Variants in LRBA observed in about 807,000 individuals in gnomAD.
LRBA encodes the protein lipopolysaccharide-responsive and beige-like anchor protein.
In LRBA, 176 loss-of-function variants were observed where a neutral mutation model predicts 330.0. That is an observed-to-expected ratio of 0.53 (90% confidence interval 0.47 to 0.60). The LOEUF (loss-of-function observed/expected upper bound fraction) is 0.60. Among genes scored for constraint, LRBA ranks in the 20% least tolerant of loss-of-function variants. The probability of loss-of-function intolerance (pLI) is 0.00; values close to 1 mark genes in which losing one functional copy is unlikely to be tolerated. For synonymous variants in LRBA, 1,230 were observed against 1,193.0 expected, an observed-to-expected ratio of 1.03 and a Z score of -0.64; for missense variants, 3,259 against 3,444.8, an observed-to-expected ratio of 0.95 and a Z score of 1.35.
At chr4:150,955,363 T>C (rs1331319141) in intron 2 of LRBA, among the ~76,000 whole-genome samples, 1 of 149,446 alleles carries the variant, frequency 6.7e-6, no homozygotes, top group East Asian at 1.9e-4. Flanking sequence ...ATGGAATGTA[T>C]AAAGCAGTGT....
intron 40 of LRBA, among the ~76,000 whole-genome samples, chr4:150,555,788 A>ACACACACACAC (rs1554054001): frequency 5.9e-5 from 6 of 101,132 alleles, no homozygotes; most frequent in African/African-American, 8.9e-5. Context: ...CACACACACA[A>ACACACACACAC]ACAAATAGAA....
chr4:150,643,180 G>A (rs1778840558), intron 37 of LRBA, among the ~76,000 whole-genome samples: 2 of 151,808 alleles, frequency 1.3e-5, no homozygotes. Flanking sequence ...GATCTGTCAT[G>A]AATAACCATT....
At chr4:150,502,913 C>T (rs1033658200) in intron 40 of LRBA, among the ~76,000 whole-genome samples, 1 of 152,244 alleles carries the variant, frequency 6.6e-6, no homozygotes, top group Admixed American at 6.5e-5. Flanking sequence ...ATATCCCGCA[C>T]CTGACTCAGA....
At chr4:150,899,935 T>C (rs1044997341) in intron 14 of LRBA, 114 bp downstream of exon 14, 5 of 656,222 alleles carry the variant, frequency 7.6e-6, no homozygotes, top group Non-Finnish European at 9.7e-6. Context: ...AATTTTGCCA[T>C]AATGGAATAT....
At chr4:150,482,218 A>C (rs1224324592) in intron 42 of LRBA, among the ~76,000 whole-genome samples, 4 of 152,088 alleles carry the variant, frequency 2.6e-5, no homozygotes, top group African/African-American at 9.7e-5. Context: ...AGCTCCTAGC[A>C]ATCATTGCTC....
intron 46 of LRBA, among the ~76,000 whole-genome samples, chr4:150,433,862 T>A (rs1039106408): frequency 1.3e-5 from 2 of 152,100 alleles, no homozygotes; most frequent in Non-Finnish European, 2.9e-5. Context: ...TATATCAGAG[T>A]ATATTATTTG....
rs115088976 is a variant in LRBA at position 150,418,931 on chromosome 4, G to A, written c.7042-3341C>T. Among the ~76,000 whole-genome samples, 305 of 152,182 alleles carry A rather than the reference G, an allele frequency of 2.0e-3. 2 individuals are homozygous for A. Among genetic ancestry groups the A allele is most frequent in the African/African-American group, 7.1e-3 (295 of 41,524 alleles). Reference sequence around the variant, plus strand: ...AGGCATAAATTTTTTCCAAGAGTAGGGAAGCAAGTTCTCAAAATCTACAGT... The same window carrying A: ...AGGCATAAATTTTTTCCAAGAGTAGAGAAGCAAGTTCTCAAAATCTACAGT... On this transcript the variant is annotated intron_variant, in intron 46 of 56. Transcript: ENST00000651943.
intron 33 of LRBA, among the ~76,000 whole-genome samples, chr4:150,799,956 G>A (rs762680894): frequency 6.6e-6 from 1 of 152,130 alleles, no homozygotes; most frequent in Non-Finnish European, 1.5e-5. Flanking sequence ...TGTTGGCCAC[G>A]CTGGTCTCGA....
chr4:150,928,496 GAGTAC>G lies in LRBA; in HGVS notation c.549+15_549+19del, dbSNP rs1368085960. ...GAGGAGCATACTTTAAAATACCAAA[GAGTAC>G]TTAAGTTTTTTTACCCATCGTCCTT... On this transcript the variant is annotated intron_variant, in intron 4 of 56. Coordinates refer to ENST00000651943, the MANE Select transcript of LRBA (RefSeq NM_001364905.1). 6.6e-7 allele frequency: 1 copy of G among 1,503,846 alleles called. No individual in the cohort carries two copies. The highest frequency in any genetic ancestry group is 9.2e-7 in the Non-Finnish European group (1 of 1,083,840). The allele number at this position is 1,503,846 out of a possible 1,614,324, so 93.2% of individuals were successfully genotyped here.
At chr4:150,939,441 C>T (rs1350314533) in intron 2 of LRBA, among the ~76,000 whole-genome samples, 1 of 152,114 alleles carries the variant, frequency 6.6e-6, no homozygotes, top group Non-Finnish European at 1.5e-5. Context: ...CAGCAAATCA[C>T]CAGAAGTCAG....
rs192988874 is a variant in LRBA at position 150,544,457 on chromosome 4, G to A, written c.6330+43591C>T. 9.9e-5 allele frequency among the ~76,000 whole-genome samples: 15 copies of A among 152,174 alleles called. No homozygotes were observed. The South Asian group carries it at 2.5e-3, about 25-fold the overall frequency. On this transcript the variant is annotated intron_variant, in intron 40 of 56. Transcript: ENST00000651943. ...TTAAACTGACATTTACCCTAAGCCT[G>A]GAATACAATAACCGCTCATCTTTCA...
chr4:150,315,016 C>T (rs1273984926), intron 51 of LRBA: 2 of 154,134 alleles, frequency 1.3e-5, no homozygotes, highest in East Asian at 3.8e-4. Flanking sequence ...TATATTTCAA[C>T]TTTGAAACTG....
At chr4:150,785,603 T>G (rs1738934154) in intron 34 of LRBA, among the ~76,000 whole-genome samples, 1 of 152,214 alleles carries the variant, frequency 6.6e-6, no homozygotes, top group Non-Finnish European at 1.5e-5. Context: ...CTGATATATT[T>G]CAGTGTCATA....
chr4:150,566,272 G>A (rs1399086749), intron 40 of LRBA, among the ~76,000 whole-genome samples: 1 of 151,966 alleles, frequency 6.6e-6, no homozygotes, highest in Non-Finnish European at 1.5e-5. Context: ...ATAACCTTGT[G>A]CTTTTATCTT....
intron 13 of LRBA, among the ~76,000 whole-genome samples, chr4:150,900,643 CAAAAGA>C (rs970270684): frequency 3.3e-5 from 5 of 151,226 alleles, no homozygotes; most frequent in African/African-American, 7.3e-5. Context: ...TAAAATGACT[CAAAAGA>C]AAAAGTACTA....
chr4:150,758,838 G>C (rs950353686), intron 35 of LRBA, among the ~76,000 whole-genome samples: 1 of 151,688 alleles, frequency 6.6e-6, no homozygotes, highest in African/African-American at 2.4e-5. Context: ...GCCTCTCAAA[G>C]TGCTGGAATT....
intron 40 of LRBA, among the ~76,000 whole-genome samples, chr4:150,559,867 ATATATAATTATATATAATTATATATAAT>A: frequency 5.9e-5 from 1 of 16,952 alleles, no homozygotes; most frequent in African/African-American, 1.5e-4. Flanking sequence ...ATTATATATA[ATATATAATTATATATAATTATATATAAT>A]TATATATAAT....
intron 40 of LRBA, among the ~76,000 whole-genome samples, chr4:150,530,917 A>G (rs375376654): frequency 2.6e-5 from 4 of 152,180 alleles, no homozygotes; most frequent in African/African-American, 7.2e-5. Context: ...CTGTGATCTC[A>G]CCACTGGGAT....
chr4:150,848,100 C>T (rs932009505), intron 26 of LRBA, among the ~76,000 whole-genome samples: 2 of 152,036 alleles, frequency 1.3e-5, no homozygotes, highest in African/African-American at 4.8e-5. Flanking sequence ...CTGCAATCTC[C>T]AACTTCCAGG....
Sources: gnomAD v4.1 joint callset for allele counts (sites outside exome capture counted in the v4.1 genomes callset) on GRCh38, gnomAD v4.1.1 for gene constraint, MANE v1.5 for transcripts, NCBI Gene and HGNC (gene_info 2026-07-23, HGNC 2026-07-21) for gene names.